Variants in SP100 observed in about 807,000 individuals in gnomAD.
SP100 encodes nuclear autoantigen Sp-100.
A neutral mutation model predicts 130.0 loss-of-function variants in SP100; 84 were observed. The ratio of observed to expected loss-of-function variants is 0.65; its 90% CI spans 0.54 to 0.77. SP100 has a LOEUF of 0.77. Ranked by LOEUF, SP100 falls within the 30% of genes least tolerant of loss-of-function variation. The pLI, the probability that SP100 is intolerant of heterozygous loss-of-function variation, is 0.00. For missense variants in SP100, 978 were observed against 1,052.2 expected (o/e 0.93, Z 0.97); for synonymous variants, 331 against 351.7 (o/e 0.94, Z 0.66).
intron 8 of SP100, among the ~76,000 whole-genome samples, chr2:230,458,539 A>G (rs1241153912): frequency 1.3e-5 from 2 of 152,212 alleles, no homozygotes; most frequent in East Asian, 3.8e-4. Context: ...ATAAAGTGAC[A>G]TGGTATCCAT....
At chr2:230,429,138 G>A (rs1359756740) in intron 2 of SP100, among the ~76,000 whole-genome samples, 9 of 152,150 alleles carry the variant, frequency 5.9e-5, no homozygotes, top group African/African-American at 2.2e-4. Context: ...GACAGGTCTA[G>A]TGATGATGGA....
chr2:230,469,995 A>C lies in SP100; in HGVS notation c.1346-20A>C. On this transcript the variant is annotated intron_variant, in intron 14 of 28. Coordinates refer to ENST00000340126, the MANE Select transcript of SP100 (RefSeq NM_001080391.2). ...AAGACTCAGACTAAGACTGTTAAGG[A>C]ATTTTATTTTTTTCTGCAGGTTTCA... The C allele has an allele frequency of 6.2e-7, 1 of 1,606,760 alleles. No individual in the cohort carries two copies. The highest frequency in any genetic ancestry group is 8.5e-7 in the Non-Finnish European group (1 of 1,175,920).
intron 15 of SP100, among the ~76,000 whole-genome samples, chr2:230,472,654 A>G (rs761098192): frequency 6.6e-6 from 1 of 152,156 alleles, no homozygotes; most frequent in African/African-American, 2.4e-5. Flanking sequence ...TTAAAAGATG[A>G]GAGAAAAATG....
At chr2:230,483,345 A>T (rs2065916611) in intron 17 of SP100, among the ~76,000 whole-genome samples, 1 of 152,348 alleles carries the variant, frequency 6.6e-6, no homozygotes, top group African/African-American at 2.4e-5. Context: ...TGAGGCAGAG[A>T]AAACCTCAGT....
chr2:230,500,759 C>T (rs78917595), intron 19 of SP100, among the ~76,000 whole-genome samples: 10,588 of 152,178 alleles, frequency 0.07, 544 homozygotes, highest in Non-Finnish European at 0.1. Context: ...GAGTCCCACA[C>T]AGAACCACCC....
In SP100 at chr2:230,488,430, T is replaced by C. The variant is rs867106606; in HGVS notation, c.1601-5986T>C. On this transcript the variant is annotated intron_variant, in intron 17 of 28. Transcript: ENST00000340126. ...TTGTTGTTTTTGTTGTTGTTGTTTT[T>C]TGAGACGGAGTCTCAGTCTGTTGCC... is the stretch of plus-strand genomic sequence containing the variant. 2.0e-5 allele frequency among the ~76,000 whole-genome samples: 3 copies of C among 152,358 alleles called. No homozygotes were observed. In the South Asian group the frequency reaches 6.2e-4, roughly 32 times the overall value.
At chr2:230,469,902 A>G (rs1461969400) in intron 14 of SP100, 113 bp from the exon 15 acceptor site, 1 of 1,507,436 alleles carries the variant, frequency 6.6e-7, no homozygotes, top group South Asian at 1.3e-5. Context: ...TGGTGGGACT[A>G]TTTCTCCCCC....
chr2:230,515,908 C>T (rs1307695597), intron 24 of SP100: 1 of 1,171,708 alleles, frequency 8.5e-7, no homozygotes, highest in East Asian at 4.3e-5. Context: ...TGTTAGTGCA[C>T]AGCACAAATT....
chr2:230,517,905 T>C (rs1376451856), intron 24 of SP100, among the ~76,000 whole-genome samples: 1 of 152,172 alleles, frequency 6.6e-6, no homozygotes, highest in African/African-American at 2.4e-5. Context: ...TTTTATTAGT[T>C]TATTTTTAAT....
chr2:230,507,577 A>C (rs1690215697), intron 22 of SP100, among the ~76,000 whole-genome samples: 2 of 152,160 alleles, frequency 1.3e-5, no homozygotes, highest in Non-Finnish European at 2.9e-5. Context: ...GAAGAGGTAC[A>C]ATAGATCGGA....
chr2:230,510,841 G>A (rs1456008900), intron 23 of SP100: 2 of 464,044 alleles, frequency 4.3e-6, no homozygotes, highest in Non-Finnish European at 7.8e-6. Context: ...TGAAGTAGGA[G>A]GACCGATAGA....
At chr2:230,427,623 ACTTTTTTTCTTT>A (rs1290809695) in intron 2 of SP100, among the ~76,000 whole-genome samples, 3 of 152,030 alleles carry the variant, frequency 2.0e-5, no homozygotes, top group Admixed American at 2.0e-4. Flanking sequence ...GCTTTGTAGT[ACTTTTTTTCTTT>A]CTTTTTTTCT....
At chr2:230,474,997 G>A (rs2065469148) in intron 17 of SP100, among the ~76,000 whole-genome samples, 2 of 151,588 alleles carry the variant, frequency 1.3e-5, no homozygotes, top group African/African-American at 4.9e-5. Flanking sequence ...AGGAACATAT[G>A]AGTGCGTGTA....
At position 230,461,356 on chromosome 2, in the gene SP100, A is replaced by C. The variant is rs753416593; in HGVS notation, c.915A>C (p.Ser305=). The C allele has an allele frequency of 6.2e-7, 1 of 1,614,182 alleles. No homozygotes were observed. ...DIKKEKPFSN[S]KVECQAQART... ...AAAAGGAAAAGCCATTTTCTAATTCAAAAGTTGAGTGCCAAGCCCAAGCAA... is the reference window on the plus strand; with the variant it reads ...AAAAGGAAAAGCCATTTTCTAATTCCAAAGTTGAGTGCCAAGCCCAAGCAA... The change falls in exon 9 of 29, where the codon TCA becomes TCC. Residue 305 remains serine (S), a synonymous_variant. Coordinates refer to ENST00000340126, the MANE Select transcript of SP100 (RefSeq NM_001080391.2).
At chr2:230,510,497 T>A (rs1690499278) in intron 23 of SP100, 1 of 46,372 alleles carries the variant, frequency 2.2e-5, no homozygotes, top group Non-Finnish European at 4.6e-5. Context: ...TTTTTTTTTT[T>A]TTTTTTTTTT....
At chr2:230,434,019 T>C (rs1022361978) in intron 2 of SP100, among the ~76,000 whole-genome samples, 6 of 151,638 alleles carry the variant, frequency 4.0e-5, no homozygotes, top group African/African-American at 1.5e-4. Context: ...AAGAAAGATC[T>C]GAAGGGACCT....
intron 24 of SP100, among the ~76,000 whole-genome samples, chr2:230,530,440 T>C (rs1159868392): frequency 6.6e-6 from 1 of 152,136 alleles, no homozygotes; most frequent in Non-Finnish European, 1.5e-5. Flanking sequence ...CAACACAGAT[T>C]AAAGACTTAA....
intron 2 of SP100, among the ~76,000 whole-genome samples, chr2:230,422,138 T>A (rs1249864766): frequency 6.6e-6 from 1 of 152,224 alleles, no homozygotes; most frequent in Non-Finnish European, 1.5e-5. Context: ...ATATTTTTAA[T>A]TTCCAAAAGC....
intron 2 of SP100, among the ~76,000 whole-genome samples, chr2:230,421,313 A>G (rs1056986829): frequency 1.3e-5 from 2 of 152,098 alleles, no homozygotes; most frequent in African/African-American, 4.8e-5. Context: ...CCCTCCTGGA[A>G]TTATCCATTC....
Sources: allele counts gnomAD v4.1 joint callset (sites outside exome capture counted in the v4.1 genomes callset), GRCh38; gene constraint gnomAD v4.1.1; transcripts MANE v1.5; gene names NCBI Gene and HGNC (gene_info 2026-07-23, HGNC 2026-07-21).